Variants in GCNT2 observed in about 807,000 individuals in gnomAD.
GCNT2 encodes the protein glucosaminyl (N-acetyl) transferase 2 (I blood group), also known as N-acetyllactosaminide beta-1,6-N-acetylglucosaminyl-transferase.
A neutral mutation model predicts 34.2 loss-of-function variants in GCNT2; 34 were observed. The ratio of observed to expected loss-of-function variants is 1.00; its 90% CI spans 0.76 to 1.32. The LOEUF is 1.32. Ranked by LOEUF, GCNT2 falls within the 40% of genes most tolerant of loss-of-function variation. The probability of loss-of-function intolerance (pLI) is 0.00; values close to 1 mark genes in which losing one functional copy is unlikely to be tolerated. For missense variants in GCNT2, 584 were observed against 489.4 expected (o/e 1.19, Z -1.82); for synonymous variants, 212 against 188.0 (o/e 1.13, Z -1.04).
intron 3 of GCNT2, among the ~76,000 whole-genome samples, chr6:10,543,470 C>T (rs1762128187): frequency 6.6e-6 from 1 of 152,150 alleles, no homozygotes; most frequent in South Asian, 2.1e-4. Flanking sequence ...GGATTACAGG[C>T]GTGAACCACT....
chr6:10,575,015 C>T lies in GCNT2; in HGVS notation c.925+45179C>T, dbSNP rs146089906. 425 of 673,776 alleles carry T rather than the reference C, an allele frequency of 6.3e-4. 1 individual carries two copies. The highest frequency in any genetic ancestry group is 6.2e-3 in the African/African-American group (353 of 56,660). The allele number at this position is 673,776 out of a possible 1,614,324, so 41.7% of individuals were successfully genotyped here. ...ACTTGTTTGTTTACAACAATGCCAA[C>T]GGCATGCTGGGGAACACTGCAGACT... On this transcript the variant is annotated intron_variant, in intron 3 of 4. Coordinates refer to ENST00000495262, the MANE Select transcript of GCNT2 (RefSeq NM_145649.5).
At chr6:10,563,774 AAAAATATAT>A (rs1261485894) in intron 3 of GCNT2, among the ~76,000 whole-genome samples, 142 of 40,968 alleles carry the variant, frequency 3.5e-3, no homozygotes, top group Admixed American at 4.4e-3. Context: ...AAAAAAAAAA[AAAAATATAT>A]ATATATATAT....
At chr6:10,576,004 T>C (rs969169956) in intron 3 of GCNT2, among the ~76,000 whole-genome samples, 3 of 152,118 alleles carry the variant, frequency 2.0e-5, no homozygotes, top group Non-Finnish European at 4.4e-5. Context: ...TAAACAGCCA[T>C]GTTGCTCACA....
At chr6:10,624,917 T>G (rs1361165599) in intron 4 of GCNT2, among the ~76,000 whole-genome samples, 1 of 152,206 alleles carries the variant, frequency 6.6e-6, no homozygotes, top group Non-Finnish European at 1.5e-5. Context: ...GCCCCTATCT[T>G]GAAGACATCG....
At chr6:10,600,789 C>A (rs2127427070) in intron 3 of GCNT2, among the ~76,000 whole-genome samples, 1 of 151,914 alleles carries the variant, frequency 6.6e-6, no homozygotes, top group South Asian at 2.1e-4. Flanking sequence ...TATTTAGAGA[C>A]AGCATCTCAT....
intron 3 of GCNT2, among the ~76,000 whole-genome samples, chr6:10,604,717 C>A (rs1334796092): frequency 6.6e-6 from 1 of 151,890 alleles, no homozygotes; most frequent in Non-Finnish European, 1.5e-5. Context: ...AAAAATTAGC[C>A]AGGCACGGTG....
intron 3 of GCNT2, among the ~76,000 whole-genome samples, chr6:10,616,676 T>C (rs1236846790): frequency 2.6e-5 from 4 of 152,202 alleles, no homozygotes; most frequent in Admixed American, 6.5e-5. Flanking sequence ...AGAGTGCCGA[T>C]TGGTGCACTC....
At chr6:10,586,493 G>A (rs903604842) in intron 3 of GCNT2, 1 of 1,614,172 alleles carries the variant, frequency 6.2e-7, no homozygotes. Flanking sequence ...CCAGACTCCA[G>A]GCTGACCTGA....
At chr6:10,585,819 G>A (rs1361414722) in intron 3 of GCNT2, 34 of 1,453,062 alleles carry the variant, frequency 2.3e-5, no homozygotes, top group Non-Finnish European at 2.8e-5. Context: ...AAGGATGGAC[G>A]AGACACCGAA....
chr6:10,582,809 A>G (rs1162011701), intron 3 of GCNT2, among the ~76,000 whole-genome samples: 5 of 151,140 alleles, frequency 3.3e-5, no homozygotes, highest in African/African-American at 1.2e-4. Context: ...AAGAGAAACA[A>G]CAACAACAAC....
intron 3 of GCNT2, among the ~76,000 whole-genome samples, chr6:10,608,120 C>T (rs369333323): frequency 8.7e-5 from 13 of 149,874 alleles, no homozygotes; most frequent in East Asian, 7.8e-4. Flanking sequence ...TCTTGTTGCC[C>T]AGGCTGGAGT....
intron 3 of GCNT2, chr6:10,574,929 C>G (rs1763734269): frequency 1.4e-6 from 1 of 714,520 alleles, no homozygotes; most frequent in Non-Finnish European, 2.6e-6. Flanking sequence ...TAGCTCGGCT[C>G]TTAGAGTGCT....
At chr6:10,592,140 G>A (rs567416756) in intron 3 of GCNT2, among the ~76,000 whole-genome samples, 1 of 151,880 alleles carries the variant, frequency 6.6e-6, no homozygotes, top group African/African-American at 2.4e-5. Flanking sequence ...TACTTGGGGG[G>A]GCTGGAGGAC....
intron 3 of GCNT2, among the ~76,000 whole-genome samples, chr6:10,530,740 C>A (rs1195225548): frequency 1.3e-5 from 2 of 151,714 alleles, no homozygotes; most frequent in Non-Finnish European, 2.9e-5. Flanking sequence ...AACAAACAAA[C>A]AAAAAAACCT....
intron 3 of GCNT2, among the ~76,000 whole-genome samples, chr6:10,615,730 T>C (rs887647124): frequency 4.6e-5 from 7 of 152,218 alleles, no homozygotes; most frequent in African/African-American, 1.7e-4. Context: ...CGAGGGCTGC[T>C]GGTTGCCCAT....
At chr6:10,615,914 C>CTGCAA (rs1302289996) in intron 3 of GCNT2, among the ~76,000 whole-genome samples, 2 of 152,220 alleles carry the variant, frequency 1.3e-5, no homozygotes, top group African/African-American at 4.8e-5. Flanking sequence ...GGCTCCTTTA[C>CTGCAA]TGCAAACTGT....
At chr6:10,546,611 A>T (rs965652575) in intron 3 of GCNT2, among the ~76,000 whole-genome samples, 1 of 152,138 alleles carries the variant, frequency 6.6e-6, no homozygotes, top group Admixed American at 6.5e-5. Flanking sequence ...GTGAGCCAAG[A>T]TCTCGCCATT....
At chr6:10,572,962 G>T (rs638867) in intron 3 of GCNT2, among the ~76,000 whole-genome samples, 99,309 of 152,026 alleles carry the variant, frequency 0.65, 32,589 homozygotes, top group Middle Eastern at 0.72. Flanking sequence ...CCTAACAAAC[G>T]GTCTAAACTC....
At chr6:10,542,860 C>T (rs115092578) in intron 3 of GCNT2, among the ~76,000 whole-genome samples, 5 of 147,708 alleles carry the variant, frequency 3.4e-5, no homozygotes, top group African/African-American at 1.0e-4. Flanking sequence ...TGGGTAGATA[C>T]CAAGAGTGAA....
Sources: allele counts gnomAD v4.1 joint callset (sites outside exome capture counted in the v4.1 genomes callset), GRCh38; gene constraint gnomAD v4.1.1; transcripts MANE v1.5; gene names NCBI Gene and HGNC (gene_info 2026-07-23, HGNC 2026-07-21).